HCN1: variants seen among roughly 807,000 people sequenced by gnomAD.
HCN1 encodes the protein potassium/sodium hyperpolarization-activated cyclic nucleotide-gated channel 1.
A neutral mutation model predicts 78.9 loss-of-function variants in HCN1; 13 were observed. The observed-to-expected ratio is 0.16, with a 90% CI of 0.11 to 0.26. The LOEUF (loss-of-function observed/expected upper bound fraction) is 0.26. Among genes scored for constraint, HCN1 ranks in the 10% least tolerant of loss-of-function variants. The pLI is 1.00. For synonymous variants in HCN1, 552 were observed against 455.5 expected (o/e 1.21, Z -2.70); for missense variants, 810 against 1,154.3 (o/e 0.70, Z 4.32).
At chr5:45,345,897 C>T (rs1020794552) in intron 5 of HCN1, among the ~76,000 whole-genome samples, 2 of 152,164 alleles carry the variant, frequency 1.3e-5, no homozygotes, top group East Asian at 3.9e-4. Flanking sequence ...ACTGAAATAG[C>T]CTGTTCTCAT....
intron 2 of HCN1, among the ~76,000 whole-genome samples, chr5:45,545,326 C>T (rs1322076333): frequency 6.6e-6 from 1 of 152,000 alleles, no homozygotes; most frequent in South Asian, 2.1e-4. Flanking sequence ...TGTTTAAGTT[C>T]TTTGTAGATT....
At chr5:45,675,399 G>A (rs1014260862) in intron 1 of HCN1, among the ~76,000 whole-genome samples, 1 of 151,604 alleles carries the variant, frequency 6.6e-6, no homozygotes, top group Non-Finnish European at 1.5e-5. Context: ...TCATTCTCTA[G>A]CCCCACTGAG....
At chr5:45,389,479 TC>T (rs1334725357) in intron 4 of HCN1, among the ~76,000 whole-genome samples, 1 of 152,116 alleles carries the variant, frequency 6.6e-6, no homozygotes, top group Non-Finnish European at 1.5e-5. Context: ...TGAAATATCC[TC>T]CTAACCCCAC....
In HCN1 at chr5:45,607,733, G is replaced by A. The variant is rs144758907; in HGVS notation, c.849+37452C>T. On this transcript the variant is annotated intron_variant, in intron 2 of 7. Transcript: ENST00000303230. The stretch of plus-strand genomic sequence containing the variant: ...AAACTAAGAATAGAATCAGGGAAAT[G>A]CAACTTACTGCCTTTAATAAAAATT... Among the ~76,000 whole-genome samples the A allele has an allele frequency of 3.6e-4, 55 of 151,630 alleles. 1 individual carries two copies. In the East Asian group the frequency reaches 0.01, roughly 28 times the overall value.
intron 1 of HCN1, among the ~76,000 whole-genome samples, chr5:45,689,343 G>C (rs1337286086): frequency 6.6e-6 from 1 of 152,022 alleles, no homozygotes; most frequent in East Asian, 1.9e-4. Flanking sequence ...GGCAAGAAAA[G>C]TCTATTATGT....
At chr5:45,571,187 C>T (rs1422723217) in intron 2 of HCN1, among the ~76,000 whole-genome samples, 8 of 152,078 alleles carry the variant, frequency 5.3e-5, no homozygotes, top group Admixed American at 5.2e-4. Context: ...TAATGACATA[C>T]AGATGATGAC....
chr5:45,548,923 G>C (rs1170727046), intron 2 of HCN1, among the ~76,000 whole-genome samples: 3 of 151,176 alleles, frequency 2.0e-5, no homozygotes, highest in Middle Eastern at 6.8e-3. Flanking sequence ...AAAATACCTA[G>C]GAATCCAACT....
intron 5 of HCN1, among the ~76,000 whole-genome samples, chr5:45,320,785 G>A (rs1275050158): frequency 6.6e-6 from 1 of 151,860 alleles, no homozygotes; most frequent in East Asian, 1.9e-4. Context: ...GCAACTGAAG[G>A]CTATACATTG....
At chr5:45,410,198 T>TA (rs1164860552) in intron 3 of HCN1, among the ~76,000 whole-genome samples, 1 of 152,010 alleles carries the variant, frequency 6.6e-6, no homozygotes, top group East Asian at 1.9e-4. Context: ...CTTTATTATC[T>TA]TCATTTACTG....
chr5:45,333,519 G>A (rs377711538), intron 5 of HCN1, among the ~76,000 whole-genome samples: 340 of 151,580 alleles, frequency 2.2e-3, no homozygotes, highest in African/African-American at 7.8e-3. Flanking sequence ...TTTTGCTTTC[G>A]TTACCTGTGC....
intron 6 of HCN1, among the ~76,000 whole-genome samples, chr5:45,281,499 A>G (rs1745163444): frequency 6.6e-6 from 1 of 152,010 alleles, no homozygotes; most frequent in Non-Finnish European, 1.5e-5. Flanking sequence ...ATAGCAATGC[A>G]AGAACAGACT....
chr5:45,650,447 A>T (rs984845679), intron 1 of HCN1, among the ~76,000 whole-genome samples: 22 of 152,032 alleles, frequency 1.4e-4, no homozygotes, highest in African/African-American at 5.1e-4. Flanking sequence ...ACTGAAGGGG[A>T]TGGAGAAAGA....
intron 3 of HCN1, among the ~76,000 whole-genome samples, chr5:45,443,437 A>C (rs1332780517): frequency 1.3e-5 from 2 of 152,036 alleles, no homozygotes; most frequent in Non-Finnish European, 2.9e-5. Context: ...TTGGTTGTTT[A>C]TTTCATACAG....
chr5:45,391,032 C>T lies in HCN1; in HGVS notation c.1230+5460G>A, dbSNP rs115780252. Among the ~76,000 whole-genome samples the T allele has an allele frequency of 3.4e-3, 510 of 152,036 alleles. 1 individual carries two copies. Among genetic ancestry groups the T allele is most frequent in the African/African-American group, 0.011 (449 of 41,458 alleles). ...GCTCTACTACCAATTTAACATACCACGGTATGTTAAATTCAGTTCCCGGGA... is the reference window on the plus strand; with the variant it reads ...GCTCTACTACCAATTTAACATACCATGGTATGTTAAATTCAGTTCCCGGGA... On this transcript the variant is annotated intron_variant, in intron 4 of 7. Transcript: ENST00000303230.
At chr5:45,515,095 A>C (rs1184176478) in intron 2 of HCN1, among the ~76,000 whole-genome samples, 1 of 151,902 alleles carries the variant, frequency 6.6e-6, no homozygotes, top group African/African-American at 2.4e-5. Context: ...TGATATATAG[A>C]CCCTATGTGC....
At chr5:45,286,876 G>A (rs1028960654) in intron 6 of HCN1, among the ~76,000 whole-genome samples, 14 of 151,862 alleles carry the variant, frequency 9.2e-5, no homozygotes, top group African/African-American at 1.9e-4. Context: ...GTGATGAAAC[G>A]CAATTTAAAG....
chr5:45,344,264 C>A (rs1483613836), intron 5 of HCN1, among the ~76,000 whole-genome samples: 1 of 152,088 alleles, frequency 6.6e-6, no homozygotes, highest in Non-Finnish European at 1.5e-5. Context: ...CTACCAGGTA[C>A]CTCCCATGAC....
intron 2 of HCN1, among the ~76,000 whole-genome samples, chr5:45,515,945 T>C (rs1190710645): frequency 6.6e-6 from 1 of 151,948 alleles, no homozygotes; most frequent in Non-Finnish European, 1.5e-5. Context: ...AATACAAAAC[T>C]GTGATCCACA....
At chr5:45,645,112 G>C in intron 2 of HCN1, 73 bp downstream of exon 2, 1 of 1,118,454 alleles carries the variant, frequency 8.9e-7, no homozygotes, top group Non-Finnish European at 1.3e-6. Context: ...ACATTGCACA[G>C]TTGTTCATTG....
Sources: allele counts gnomAD v4.1 joint callset (sites outside exome capture counted in the v4.1 genomes callset), GRCh38; gene constraint gnomAD v4.1.1; transcripts MANE v1.5; gene names NCBI Gene and HGNC (gene_info 2026-07-23, HGNC 2026-07-21).